The following TBX15 variants were observed in gnomAD, a reference collection of about 807,000 sequenced individuals.
The protein encoded by TBX15 is T-box transcription factor 15.
TBX15 carries 18 observed loss-of-function variants against 53.9 expected under a neutral mutation model. The observed-to-expected ratio is 0.33, with a 90% CI of 0.23 to 0.49. TBX15 has a LOEUF of 0.49. Ranked by LOEUF, TBX15 falls within the 20% of genes least tolerant of loss-of-function variation. The probability of loss-of-function intolerance (pLI) is 0.98; values close to 1 mark genes in which losing one functional copy is unlikely to be tolerated. For synonymous variants in TBX15, 295 were observed against 278.0 expected, an observed-to-expected ratio of 1.06 and a Z score of -0.61; for missense variants, 692 against 749.5, an observed-to-expected ratio of 0.92 and a Z score of 0.90.
chr1:118,975,232 G>C (rs990459386), intron 1 of TBX15, among the ~76,000 whole-genome samples: 4 of 152,138 alleles, frequency 2.6e-5, no homozygotes, highest in African/African-American at 9.7e-5. Flanking sequence ...AAGGCTGCAC[G>C]TGTGCCATTC....
intron 1 of TBX15, among the ~76,000 whole-genome samples, chr1:118,943,648 AG>A (rs1260909544): frequency 1.3e-5 from 2 of 152,238 alleles, no homozygotes; most frequent in Non-Finnish European, 2.9e-5. Flanking sequence ...AGGCTGAAAA[AG>A]CTGCCCAAAG....
At chr1:118,961,187 A>G (rs943167571) in intron 1 of TBX15, among the ~76,000 whole-genome samples, 1 of 152,172 alleles carries the variant, frequency 6.6e-6, no homozygotes, top group Non-Finnish European at 1.5e-5. Flanking sequence ...TCTGTGCCCC[A>G]TACTCTGTTC....
Position 118,976,296 on chromosome 1 carries a change from A to C in TBX15, c.205+11295T>G, listed in dbSNP as rs373575319. Among the ~76,000 whole-genome samples, 11 of 152,096 alleles carry C rather than the reference A, an allele frequency of 7.2e-5. No individual in the cohort carries two copies. The South Asian group carries it at 2.3e-3, about 32-fold the overall frequency. ...TTTAATTTAGTCTCTTTCTTCTTTT[A>C]TTCTTGTTGTTGTTGTTGTTTTAAT... is the stretch of plus-strand genomic sequence containing the variant. On this transcript the variant is annotated intron_variant, in intron 1 of 7. Coordinates refer to ENST00000369429, the MANE Select transcript of TBX15 (RefSeq NM_001330677.2).
intron 6 of TBX15, among the ~76,000 whole-genome samples, chr1:118,907,245 A>G (rs1206456930): frequency 6.6e-6 from 1 of 152,166 alleles, no homozygotes; most frequent in East Asian, 1.9e-4. Flanking sequence ...GGAGGCTAGG[A>G]GTAAGGGTAA....
chr1:118,914,719 A>G (rs1655142353), intron 5 of TBX15, among the ~76,000 whole-genome samples: 1 of 152,182 alleles, frequency 6.6e-6, no homozygotes, highest in South Asian at 2.1e-4. Flanking sequence ...CTACCACTAG[A>G]AATTATTCAT....
chr1:118,961,816 A>C (rs1211569318), intron 1 of TBX15, among the ~76,000 whole-genome samples: 2 of 152,140 alleles, frequency 1.3e-5, no homozygotes, highest in Non-Finnish European at 2.9e-5. Context: ...TGCAAAGATG[A>C]TTAAGGCACT....
intron 1 of TBX15, among the ~76,000 whole-genome samples, chr1:118,960,085 A>T (rs1331779887): frequency 6.6e-6 from 1 of 150,976 alleles, no homozygotes; most frequent in Admixed American, 6.6e-5. Flanking sequence ...AAAAAAAAGA[A>T]GAGAAAAGGG....
At chr1:118,922,440 G>C (rs1036137134) in intron 5 of TBX15, among the ~76,000 whole-genome samples, 1 of 152,144 alleles carries the variant, frequency 6.6e-6, no homozygotes, top group Non-Finnish European at 1.5e-5. Flanking sequence ...CTATTAATTA[G>C]ATGTCAGGTT....
At chr1:118,966,467 A>G (rs1013478113) in intron 1 of TBX15, among the ~76,000 whole-genome samples, 6 of 152,144 alleles carry the variant, frequency 3.9e-5, no homozygotes, top group Non-Finnish European at 7.3e-5. Flanking sequence ...CCTCAACCCA[A>G]TTCCTAGGAG....
intron 6 of TBX15, chr1:118,901,251 G>C: frequency 2.4e-6 from 1 of 421,524 alleles, no homozygotes; most frequent in Middle Eastern, 3.5e-4. Flanking sequence ...GGGCCTTTGT[G>C]CTGAGTCATA....
Position 118,884,904 on chromosome 1 carries a change from G to A in TBX15, c.1637C>T (p.Ser546Phe). The A allele has an allele frequency of 6.2e-7, 1 of 1,614,204 alleles. No individual in the cohort carries two copies. The highest frequency in any genetic ancestry group is 2.2e-5 in the East Asian group (1 of 44,872). The change falls in exon 8 of 8, where the codon TCT becomes TTT. Residue 546 changes from serine to phenylalanine, a missense_variant. Physicochemically the swap from Ser to Phe is radical, Grantham distance 155. Around this residue, in one of 3 missense-constraint regions of TBX15, gnomAD observed 375 missense variants for 371.6 expected, o/e 1.01. Transcript: ENST00000369429. ...SASQSTLLCS[S>F]PSNGAFGERQ... ...CTCTCCAAAGGCCCCGTTGGAAGGA[G>A]AAGAACAGAGTAAAGTGCTTTGAGA...
At chr1:118,885,552 T>C (rs916228976) in intron 7 of TBX15, 36 bp from the exon 8 acceptor site, 3 of 1,551,036 alleles carry the variant, frequency 1.9e-6, no homozygotes, top group Non-Finnish European at 1.7e-6. Context: ...TGAGACAGAG[T>C]CTTTTAAGAT....
intron 5 of TBX15, among the ~76,000 whole-genome samples, chr1:118,918,233 T>G (rs1655311346): frequency 1.3e-5 from 2 of 152,190 alleles, no homozygotes; most frequent in Admixed American, 1.3e-4. Flanking sequence ...TATTTTTGTA[T>G]TTACATGTTT....
chr1:118,893,054 C>T (rs980000743), intron 7 of TBX15, among the ~76,000 whole-genome samples: 10 of 151,798 alleles, frequency 6.6e-5, no homozygotes, highest in African/African-American at 2.4e-4. Context: ...GCATGGCCAG[C>T]ATGGTGAAAC....
intron 6 of TBX15, among the ~76,000 whole-genome samples, chr1:118,913,526 A>G (rs1421889993): frequency 6.6e-6 from 1 of 152,208 alleles, no homozygotes; most frequent in Non-Finnish European, 1.5e-5. Flanking sequence ...AAATGGTCCT[A>G]TAAACTTCAG....
chr1:118,942,994 G>A (rs1325944), intron 1 of TBX15, among the ~76,000 whole-genome samples: 26,997 of 152,080 alleles, frequency 0.18, 3,091 homozygotes, highest in East Asian at 0.53. Flanking sequence ...AAGAAGTAAG[G>A]CAAAAGATTA....
intron 1 of TBX15, among the ~76,000 whole-genome samples, chr1:118,974,331 C>A (rs1451059509): frequency 2.0e-5 from 3 of 152,160 alleles, no homozygotes; most frequent in East Asian, 1.9e-4. Flanking sequence ...GATTTTACAT[C>A]TTTCTCTTTT....
intron 1 of TBX15, among the ~76,000 whole-genome samples, chr1:118,979,076 G>C (rs1189668611): frequency 6.6e-6 from 1 of 152,202 alleles, no homozygotes. Context: ...TTTGGAGCAA[G>C]GATGCATCGG....
intron 3 of TBX15, among the ~76,000 whole-genome samples, chr1:118,926,242 T>G (rs1317148402): frequency 6.6e-6 from 1 of 152,206 alleles, no homozygotes; most frequent in Non-Finnish European, 1.5e-5. Context: ...CAATGTTAAT[T>G]AAATTAATTT....
Sources: allele counts gnomAD v4.1 joint callset (sites outside exome capture counted in the v4.1 genomes callset), GRCh38; gene constraint gnomAD v4.1.1; regional missense constraint gnomAD v4.1.1; transcripts MANE v1.5; gene names NCBI Gene and HGNC (gene_info 2026-07-23, HGNC 2026-07-21).